Variants in LAMA3 observed in about 807,000 individuals in gnomAD.
LAMA3 encodes the protein laminin subunit alpha-3.
In LAMA3, 281 loss-of-function variants were observed where a neutral mutation model predicts 402.0. The ratio of observed to expected loss-of-function variants is 0.70; its 90% CI spans 0.63 to 0.77. The LOEUF (loss-of-function observed/expected upper bound fraction) is 0.77. LAMA3 is among the 30% of genes least tolerant of loss of function. LAMA3 has a pLI of 0.00. For synonymous variants in LAMA3, 1,431 were observed against 1,558.4 expected (o/e 0.92, Z 1.93); for missense variants, 3,840 against 4,215.5 (o/e 0.91, Z 2.47).
chr18:23,834,043 CTTAGGAACTTTGGCTGTTACTTGCA>C (rs1490082623), intron 24 of LAMA3, 55 bp downstream of exon 24: 1 of 1,600,198 alleles, frequency 6.2e-7, no homozygotes, highest in Non-Finnish European at 8.6e-7. Context: ...GGAAATCTGC[CTTAGGAACTTTGGCTGTTACTTGCA>C]TTGGGAGGTT....
At chr18:23,857,765 G>C (rs2064117511) in intron 32 of LAMA3, 79 bp from the exon 33 acceptor site, 4 of 1,576,176 alleles carry the variant, frequency 2.5e-6, no homozygotes, top group African/African-American at 1.3e-5. Flanking sequence ...ACACCAATTA[G>C]TCCACTATAG....
rs754237832 is a variant in LAMA3, at chr18:23,950,152, C to T, written c.9635C>T (p.Ala3212Val). 2.5e-6 allele frequency: 4 copies of T among 1,613,886 alleles called. No homozygotes were observed. The Admixed American group carries it at 5.0e-5, about 20-fold the overall frequency. ...PGKHLCVYLE[A>V]GKVTASMDSG... ...AAGCACTTATGTGTTTACCTGGAGG[C>T]AGGAAAGGTGTGTAGCAGTCTGATG... The change falls in exon 72 of 75, where the codon GCA becomes GTA. Residue 3212 changes from alanine (A) to valine (V), a missense_variant. By Grantham distance (64) the Ala-to-Val change is moderately conservative. Transcript: ENST00000313654.
At chr18:23,724,336 A>T (rs1382245033) in intron 2 of LAMA3, among the ~76,000 whole-genome samples, 1 of 152,368 alleles carries the variant, frequency 6.6e-6, no homozygotes, top group South Asian at 2.1e-4. Context: ...GGAGAAAATA[A>T]AAGGGTTCTA....
intron 2 of LAMA3, among the ~76,000 whole-genome samples, chr18:23,731,928 A>G (rs1262261701): frequency 6.6e-6 from 1 of 152,196 alleles, no homozygotes; most frequent in Non-Finnish European, 1.5e-5. Context: ...TGAAATTATA[A>G]AAAATAAAAT....
chr18:23,741,498 A>G (rs2061563515), intron 2 of LAMA3, among the ~76,000 whole-genome samples: 1 of 151,948 alleles, frequency 6.6e-6, no homozygotes, highest in African/African-American at 2.4e-5. Context: ...AATTAAAAAA[A>G]CTCTATAAAA....
At chr18:23,811,896 C>CA (rs2063076511) in intron 13 of LAMA3, among the ~76,000 whole-genome samples, 1 of 151,554 alleles carries the variant, frequency 6.6e-6, no homozygotes, top group Admixed American at 6.6e-5. Context: ...TTTTTTGAGA[C>CA]AGAGTCTCGC....
Position 23,810,363 on chromosome 18 carries a change from C to T in LAMA3, c.1604-3C>T, listed in dbSNP as rs1220242471. On this transcript the variant is annotated splice_region_variant and splice_polypyrimidine_tract_variant and intron_variant, in intron 12 of 74. Transcript: ENST00000313654. ...CTAAGTCTGATTGAATTCTTTCATCCAGCCTGCTGGTGTTCAGCCCTTGGA... is the reference window on the plus strand; with the variant it reads ...CTAAGTCTGATTGAATTCTTTCATCTAGCCTGCTGGTGTTCAGCCCTTGGA... 1 of 1,613,990 alleles carries T rather than the reference C, an allele frequency of 6.2e-7. No homozygotes were observed. The highest frequency in any genetic ancestry group is 1.3e-5 in the African/African-American group (1 of 74,922).
intron 12 of LAMA3, among the ~76,000 whole-genome samples, chr18:23,787,950 G>A (rs1333592257): frequency 2.6e-5 from 4 of 152,026 alleles, no homozygotes; most frequent in Non-Finnish European, 4.4e-5. Context: ...TTAACAGAAA[G>A]TATACGAACT....
intron 12 of LAMA3, chr18:23,796,003 C>T (rs1287676317): frequency 2.7e-6 from 1 of 377,062 alleles, no homozygotes; most frequent in African/African-American, 2.1e-5. Context: ...CACTCTCTCT[C>T]TCTCCCTCTA....
At chr18:23,833,335 C>G (rs2144516343) in intron 23 of LAMA3, among the ~76,000 whole-genome samples, 1 of 152,186 alleles carries the variant, frequency 6.6e-6, no homozygotes, top group South Asian at 2.1e-4. Context: ...CTCCTTATCC[C>G]AGGAGCGAGA....
In LAMA3 at chr18:23,901,205, T is replaced by C. The variant is rs755039159; in HGVS notation, c.6083T>C (p.Leu2028Ser). ...NGLANSIRDS[L>S]NEYEAKLSDL... ...CTTGCTAACAGTATCCGGGATTCTT[T>C]AAATGAATACGAAGCCAAACTCAGT... The change falls in exon 48 of 75, where the codon TTA becomes TCA. Residue 2028 changes from leucine (L) to serine (S), a missense_variant. Transcript: ENST00000313654. 8.7e-6 allele frequency: 14 copies of C among 1,614,078 alleles called. No individual in the cohort carries two copies. The South Asian group carries it at 1.5e-4, about 18-fold the overall frequency.
At chr18:23,786,118 T>C (rs1378692364) in intron 12 of LAMA3, among the ~76,000 whole-genome samples, 1 of 152,202 alleles carries the variant, frequency 6.6e-6, no homozygotes, top group Non-Finnish European at 1.5e-5. Context: ...CATAAGAGCA[T>C]ATAGCAAATG....
chr18:23,733,125 TCAGTGGG>T (rs2044444504), intron 2 of LAMA3, among the ~76,000 whole-genome samples: 1 of 152,092 alleles, frequency 6.6e-6, no homozygotes, highest in Non-Finnish European at 1.5e-5. Flanking sequence ...GGTTTCTAGT[TCAGTGGG>T]CAGCTTTGGC....
intron 3 of LAMA3, 55 bp downstream of exon 3, chr18:23,748,115 A>C: frequency 9.9e-7 from 1 of 1,008,688 alleles, no homozygotes; most frequent in Non-Finnish European, 1.6e-6. Flanking sequence ...GGAACAGATA[A>C]AGACTATGGA....
At chr18:23,757,560 G>C (rs2061875655) in intron 6 of LAMA3, among the ~76,000 whole-genome samples, 1 of 151,208 alleles carries the variant, frequency 6.6e-6, no homozygotes, top group South Asian at 2.1e-4. Flanking sequence ...TGAGGCCTCA[G>C]GGGGCTCATC....
intron 60 of LAMA3, among the ~76,000 whole-genome samples, chr18:23,920,699 A>T (rs2081803021): frequency 6.6e-6 from 1 of 152,208 alleles, no homozygotes; most frequent in African/African-American, 2.4e-5. Flanking sequence ...GATCATAGCT[A>T]GCATTTATTG....
chr18:23,831,514 G>A (rs993434447), intron 23 of LAMA3, among the ~76,000 whole-genome samples: 1 of 151,934 alleles, frequency 6.6e-6, no homozygotes, highest in Non-Finnish European at 1.5e-5. Flanking sequence ...CAACTAAGTT[G>A]CTGTTCTTCA....
At chr18:23,821,879 T>C (rs949043053) in intron 19 of LAMA3, among the ~76,000 whole-genome samples, 1 of 152,226 alleles carries the variant, frequency 6.6e-6, no homozygotes, top group Non-Finnish European at 1.5e-5. Context: ...TCTCCTTTCC[T>C]TCTCTTCTGC....
At chr18:23,751,702 G>T (rs1372751005) in intron 5 of LAMA3, among the ~76,000 whole-genome samples, 1 of 152,172 alleles carries the variant, frequency 6.6e-6, no homozygotes, top group African/African-American at 2.4e-5. Flanking sequence ...AGGCACATAG[G>T]TATTGGTGAG....
Sources: allele counts gnomAD v4.1 joint callset (sites outside exome capture counted in the v4.1 genomes callset), GRCh38; gene constraint gnomAD v4.1.1; transcripts MANE v1.5; gene names NCBI Gene and HGNC (gene_info 2026-07-23, HGNC 2026-07-21).